SLC35D2: variants seen among roughly 807,000 people sequenced by gnomAD.
The protein encoded by SLC35D2 is nucleotide sugar transporter SLC35D2.
Under a neutral mutation model 41.8 loss-of-function variants are expected in SLC35D2, and 43 were observed. The observed-to-expected ratio is 1.03, with a 90% confidence interval of 0.81 to 1.33. The LOEUF is 1.33. SLC35D2 is among the 40% of genes most tolerant of loss of function. The pLI is 0.00. For missense variants in SLC35D2, 380 were observed against 408.4 expected (o/e 0.93, Z 0.60); for synonymous variants, 150 against 163.9 (o/e 0.92, Z 0.65).
intron 1 of SLC35D2, among the ~76,000 whole-genome samples, chr9:96,369,746 T>C (rs77271968): frequency 1.8e-3 from 269 of 152,190 alleles, no homozygotes; most frequent in Non-Finnish European, 3.0e-3. Flanking sequence ...CACATCATAT[T>C]TTAACAAGGC....
At chr9:96,374,328 G>A (rs553488642) in intron 1 of SLC35D2, among the ~76,000 whole-genome samples, 75 of 152,266 alleles carry the variant, frequency 4.9e-4, no homozygotes, top group African/African-American at 1.5e-3. Context: ...GAGGTCAAGA[G>A]ATAGAGACTA....
intron 6 of SLC35D2, among the ~76,000 whole-genome samples, chr9:96,349,524 G>C (rs1829723060): frequency 6.6e-6 from 1 of 150,530 alleles, no homozygotes; most frequent in South Asian, 2.1e-4. Flanking sequence ...CTGCTCTTTT[G>C]TCAGTTCCTT....
intron 5 of SLC35D2, among the ~76,000 whole-genome samples, chr9:96,351,474 G>A (rs894497822): frequency 6.6e-6 from 1 of 151,830 alleles, no homozygotes; most frequent in Admixed American, 6.6e-5. Flanking sequence ...CTGATAGTGA[G>A]TATTCAAAGA....
chr9:96,374,784 G>A (rs533311517), intron 1 of SLC35D2, among the ~76,000 whole-genome samples: 4 of 149,918 alleles, frequency 2.7e-5, no homozygotes, highest in African/African-American at 9.8e-5. Flanking sequence ...CTTACAGTGA[G>A]CCAAGATCAC....
downstream of SLC35D2, among the ~76,000 whole-genome samples, chr9:96,318,790 C>CT (rs749530873): frequency 9.8e-4 from 149 of 152,088 alleles, no homozygotes; most frequent in Non-Finnish European, 1.8e-3. Context: ...GATCCCATCT[C>CT]TAAAAACAAA....
chr9:96,324,483 C>T (rs1419569214), intron 9 of SLC35D2, among the ~76,000 whole-genome samples: 3 of 151,038 alleles, frequency 2.0e-5, no homozygotes, highest in African/African-American at 7.3e-5. Flanking sequence ...TCTCATTTAT[C>T]AGCATGTTAA....
intron 7 of SLC35D2, among the ~76,000 whole-genome samples, chr9:96,344,360 T>C (rs1489863702): frequency 6.6e-6 from 1 of 151,848 alleles, no homozygotes; most frequent in Non-Finnish European, 1.5e-5. Context: ...CAAAACTCTT[T>C]AAAAACATCT....
At chr9:96,337,503 C>T (rs1829099126) in intron 8 of SLC35D2, among the ~76,000 whole-genome samples, 1 of 151,040 alleles carries the variant, frequency 6.6e-6, no homozygotes, top group Admixed American at 6.6e-5. Context: ...CAGGCATGAA[C>T]CACCACACCC....
intron 7 of SLC35D2, among the ~76,000 whole-genome samples, chr9:96,344,544 A>G (rs1287518259): frequency 3.1e-5 from 3 of 95,552 alleles, no homozygotes; most frequent in African/African-American, 1.1e-4. Flanking sequence ...ATGCAGGGGA[A>G]AAAAAAAAAA....
At chr9:96,367,984 G>A (rs1240936794) in intron 2 of SLC35D2, among the ~76,000 whole-genome samples, 1 of 152,140 alleles carries the variant, frequency 6.6e-6, no homozygotes, top group Non-Finnish European at 1.5e-5. Flanking sequence ...TACCCTCCAG[G>A]CCTTGGAGGC....
chr9:96,344,728 T>TGGGGGGGGGGGGGGGGGGGGGG (rs1829501222), intron 7 of SLC35D2, among the ~76,000 whole-genome samples: 1 of 4,280 alleles, frequency 2.3e-4, no homozygotes, highest in African/African-American at 1.2e-3. Context: ...GGGGGAGGGA[T>TGGGGGGGGGGGGGGGGGGGGGG]GGGGGAGGGG....
chr9:96,321,883 C>T (rs1214065434), intron 11 of SLC35D2, 115 bp downstream of exon 11: 14 of 636,896 alleles, frequency 2.2e-5, no homozygotes, highest in Non-Finnish European at 2.8e-5. Flanking sequence ...AATGTCAAAA[C>T]GCCTCCTGGC....
chr9:96,355,748 T>A (rs976096476), intron 4 of SLC35D2, among the ~76,000 whole-genome samples: 3 of 152,028 alleles, frequency 2.0e-5, no homozygotes. Flanking sequence ...CCACCTGCCT[T>A]GGCCTCCAAA....
At chr9:96,360,415 G>A (rs769388947) in intron 3 of SLC35D2, among the ~76,000 whole-genome samples, 194 bp from the exon 4 acceptor site, 1 of 151,878 alleles carries the variant, frequency 6.6e-6, no homozygotes, top group Admixed American at 6.6e-5. Context: ...CGGATCACGA[G>A]GTCAGGAGTT....
At chr9:96,371,479 A>G (rs1830678135) in intron 1 of SLC35D2, among the ~76,000 whole-genome samples, 2 of 72,044 alleles carry the variant, frequency 2.8e-5, no homozygotes, top group African/African-American at 1.2e-4. Flanking sequence ...TGTCTCAAAA[A>G]AAAAAAAAAA....
intron 1 of SLC35D2, among the ~76,000 whole-genome samples, chr9:96,381,279 TC>T (rs1201718345): frequency 6.6e-6 from 1 of 152,232 alleles, no homozygotes; most frequent in Non-Finnish European, 1.5e-5. Flanking sequence ...GTGATTTAGA[TC>T]ATGTAATTCC....
chr9:96,334,648 A>T (rs1039135411), intron 9 of SLC35D2, among the ~76,000 whole-genome samples: 20 of 152,086 alleles, frequency 1.3e-4, no homozygotes, highest in African/African-American at 2.7e-4. Context: ...AAAAAAAAAA[A>T]TTTTTTTTAA....
In SLC35D2 at chr9:96,324,086, C is replaced by T; in HGVS notation, c.831+5G>A. 6.2e-7 allele frequency: 1 copy of T among 1,611,774 alleles called. No individual in the cohort carries two copies. On this transcript the variant is annotated splice_donor_5th_base_variant and intron_variant, in intron 10 of 11. Coordinates refer to ENST00000253270, the MANE Select transcript of SLC35D2 (RefSeq NM_007001.3). ...TTGTTCCCTTCCAAGTTTCCATCCA[C>T]TCACCTTGATGGCTCCAACCACTGC...
chr9:96,359,733 GTTTATAAC>G (rs1830184493), intron 4 of SLC35D2, among the ~76,000 whole-genome samples: 1 of 151,946 alleles, frequency 6.6e-6, no homozygotes, highest in African/African-American at 2.4e-5. Context: ...AATTTCAGAA[GTTTATAAC>G]ACACACTTGA....
Sources: gnomAD v4.1 joint callset for allele counts (sites outside exome capture counted in the v4.1 genomes callset) on GRCh38, gnomAD v4.1.1 for gene constraint, MANE v1.5 for transcripts, NCBI Gene and HGNC (gene_info 2026-07-23, HGNC 2026-07-21) for gene names.